Variants in NTRK3 observed in about 807,000 individuals in gnomAD.
NTRK3 encodes NT-3 growth factor receptor.
In NTRK3, 24 loss-of-function variants were observed where a neutral mutation model predicts 91.7. The observed-to-expected ratio is 0.26, with a 90% CI of 0.19 to 0.37. NTRK3 has a LOEUF of 0.37. Among genes scored for constraint, NTRK3 ranks in the 10% least tolerant of loss-of-function variants. The pLI is 1.00. For missense variants in NTRK3, 880 were observed against 1,068.9 expected, an observed-to-expected ratio of 0.82 and a Z score of 2.46; for synonymous variants, 483 against 404.0, an observed-to-expected ratio of 1.20 and a Z score of -2.34.
At chr15:87,964,848 T>C (rs2072643497) in intron 14 of NTRK3, among the ~76,000 whole-genome samples, 1 of 152,230 alleles carries the variant, frequency 6.6e-6, no homozygotes, top group Non-Finnish European at 1.5e-5. Flanking sequence ...AGTAATCCAT[T>C]CTATGGTTAC....
intron 14 of NTRK3, among the ~76,000 whole-genome samples, chr15:87,975,153 T>C (rs1427425760): frequency 1.3e-5 from 2 of 152,162 alleles, no homozygotes; most frequent in African/African-American, 4.8e-5. Flanking sequence ...TGCCCCACAG[T>C]AAACCCATTC....
chr15:88,108,895 C>T (rs533028374), intron 13 of NTRK3, among the ~76,000 whole-genome samples: 1 of 152,340 alleles, frequency 6.6e-6, no homozygotes, highest in East Asian at 1.9e-4. Flanking sequence ...GCTCCACGTG[C>T]ACCATAAAGT....
chr15:87,876,897 G>C (rs2141433916), exon 19 of NTRK3: 2 of 1,608,390 alleles, frequency 1.2e-6, no homozygotes, highest in Non-Finnish European at 8.5e-7. Flanking sequence ...AGGGAGAGAG[G>C]AGGCAACAGA....
At chr15:88,007,213 T>C (rs2076558201) in intron 14 of NTRK3, among the ~76,000 whole-genome samples, 1 of 152,236 alleles carries the variant, frequency 6.6e-6, no homozygotes, top group Admixed American at 6.5e-5. Context: ...GGCATTCTGT[T>C]ATCCTTATTT....
chr15:87,974,077 T>C (rs1215926647), intron 14 of NTRK3, among the ~76,000 whole-genome samples: 1 of 152,192 alleles, frequency 6.6e-6, no homozygotes, highest in Non-Finnish European at 1.5e-5. Flanking sequence ...TGCCTCACCA[T>C]TGTATCTGAG....
At chr15:88,000,215 A>C (rs911999316) in intron 14 of NTRK3, among the ~76,000 whole-genome samples, 20 of 152,322 alleles carry the variant, frequency 1.3e-4, no homozygotes, top group African/African-American at 4.6e-4. Context: ...AAATGTCGAC[A>C]TATGTCCATA....
exon 19 of NTRK3, chr15:87,862,719 T>A (rs2064560081): frequency 4.4e-6 from 1 of 229,714 alleles, no homozygotes; most frequent in Admixed American, 5.7e-5. Flanking sequence ...CAGTACACCC[T>A]TCAGTCTGGC....
intron 5 of NTRK3, among the ~76,000 whole-genome samples, chr15:88,156,362 A>T (rs16941341): frequency 0.012 from 1,862 of 152,240 alleles, 24 homozygotes; most frequent in African/African-American, 0.043. Context: ...TGCTTGGCCC[A>T]CCTAATCAAG....
chr15:87,950,132 C>T (rs147841851), intron 14 of NTRK3, among the ~76,000 whole-genome samples: 36 of 152,318 alleles, frequency 2.4e-4, no homozygotes, highest in Non-Finnish European at 4.4e-4. Context: ...CACCAGAACA[C>T]GCAGAGCACA....
rs191575053 is a variant in NTRK3, at chr15:88,138,326, C to G, written c.465-765G>C. Among the ~76,000 whole-genome samples, 1,160 of 152,138 alleles carry G rather than the reference C, an allele frequency of 7.6e-3. 15 individuals carry two copies. The highest frequency in any genetic ancestry group is 9.7e-3 in the Non-Finnish European group (658 of 68,016). On this transcript the variant is annotated intron_variant, in intron 6 of 18. Transcript: ENST00000394480. Reference sequence around the variant, plus strand: ...TCAGGAGGCTGAGGCGGGAGAATGGCGTGAACCCAGGAGGCAGAGCTTGCA... The same window carrying G: ...TCAGGAGGCTGAGGCGGGAGAATGGGGTGAACCCAGGAGGCAGAGCTTGCA...
chr15:88,080,188 G>A (rs1206504381), intron 13 of NTRK3, among the ~76,000 whole-genome samples: 3 of 152,096 alleles, frequency 2.0e-5, no homozygotes, highest in Non-Finnish European at 4.4e-5. Context: ...AACTTTTGTG[G>A]CCATCTCTGA....
rs189922403 is a variant in NTRK3, at chr15:87,945,322, C to T, written c.1586-4569G>A. Among the ~76,000 whole-genome samples the T allele has an allele frequency of 9.8e-5, 15 of 152,324 alleles. No individual in the cohort carries two copies. The East Asian group carries it at 1.9e-3, about 20-fold the overall frequency. ...GATCTTCTTGTTCCCACAGGACAAC[C>T]GGTTCATCTGACACAAGAACAGAAA... On this transcript the variant is annotated intron_variant, in intron 14 of 18. Transcript: ENST00000394480.
chr15:88,248,928 T>A lies in NTRK3; in HGVS notation c.248+6978A>T, dbSNP rs559463658. 5.2e-4 allele frequency among the ~76,000 whole-genome samples: 79 copies of A among 152,334 alleles called. No homozygotes were observed. In the South Asian group the frequency reaches 0.012, roughly 24 times the overall value. On this transcript the variant is annotated intron_variant, in intron 3 of 18. Coordinates refer to ENST00000394480, the Ensembl canonical transcript of NTRK3. ...ACTGAACTTCAACAGGGTGCTTACA[T>A]AATGTAGTTGTTATTATTATCCATT...
intron 14 of NTRK3, among the ~76,000 whole-genome samples, chr15:87,998,516 T>C (rs753185129): frequency 2.0e-5 from 3 of 152,242 alleles, no homozygotes; most frequent in Non-Finnish European, 4.4e-5. Context: ...GGAGCTCTCG[T>C]GCAAACAAGT....
chr15:87,957,598 T>C (rs1184900800), intron 14 of NTRK3, among the ~76,000 whole-genome samples: 1 of 151,518 alleles, frequency 6.6e-6, no homozygotes, highest in Non-Finnish European at 1.5e-5. Context: ...TCTTGGAAAA[T>C]AGAGTGGCTA....
At chr15:87,909,884 A>G (rs1596202474) in intron 17 of NTRK3, among the ~76,000 whole-genome samples, 2 of 152,180 alleles carry the variant, frequency 1.3e-5, no homozygotes, top group East Asian at 1.9e-4. Context: ...GAATGAATGA[A>G]CCCTGTTGGC....
intron 17 of NTRK3, among the ~76,000 whole-genome samples, 197 bp from the exon 18 acceptor site, chr15:87,885,932 T>C (rs555863631): frequency 6.6e-6 from 1 of 151,734 alleles, no homozygotes; most frequent in East Asian, 1.9e-4. Flanking sequence ...AAAAGACAAA[T>C]GGCCAAAAAA....
rs2068554865 is a variant in NTRK3 at position 87,928,916 on chromosome 15, T to C, written c.2133+275A>G. 8.5e-6 allele frequency: 5 copies of C among 591,628 alleles called. No homozygotes were observed. The South Asian group carries it at 1.0e-4, about 12-fold the overall frequency. The allele number at this position is 591,628 out of a possible 1,614,324, so 36.6% of individuals were successfully genotyped here. A position where few individuals can be genotyped will look rare whatever the true frequency, so the allele number is the denominator to read the frequency against. On this transcript the variant is annotated intron_variant, in intron 17 of 18. Coordinates refer to ENST00000394480, the Ensembl canonical transcript of NTRK3. ...GTATGTTTACATGAAGAATGAGTAT[T>C]GAAGCACGTAAGAACACAATGCATA...
chr15:88,067,138 CT>C (rs1343697773), intron 13 of NTRK3, among the ~76,000 whole-genome samples: 16 of 152,182 alleles, frequency 1.1e-4, no homozygotes, highest in African/African-American at 3.4e-4. Flanking sequence ...TATTTCAGAC[CT>C]TCCCTTGGAT....
Sources: allele counts gnomAD v4.1 joint callset (sites outside exome capture counted in the v4.1 genomes callset), GRCh38; gene constraint gnomAD v4.1.1; transcripts MANE v1.5; gene names NCBI Gene and HGNC (gene_info 2026-07-23, HGNC 2026-07-21).